CLDN14: variants seen among roughly 807,000 people sequenced by gnomAD.
The protein encoded by CLDN14 is claudin-14.
A neutral mutation model predicts 2.1 loss-of-function variants in CLDN14; 2 were observed. The ratio of observed to expected loss-of-function variants is 0.96; its 90% CI spans 0.39 to 3.01. The LOEUF (loss-of-function observed/expected upper bound fraction) is 3.01. Ranked by LOEUF, CLDN14 falls within the 30% of genes most tolerant of loss-of-function variation. The probability of loss-of-function intolerance (pLI) is 0.09; values close to 1 mark genes in which losing one functional copy is unlikely to be tolerated. For missense variants in CLDN14, 298 were observed against 328.0 expected, an observed-to-expected ratio of 0.91 and a Z score of 0.71; for synonymous variants, 136 against 154.4, an observed-to-expected ratio of 0.88 and a Z score of 0.88.
At chr21:36,502,719 C>T (rs527822708) in intron 2 of CLDN14, among the ~76,000 whole-genome samples, 1 of 152,248 alleles carries the variant, frequency 6.6e-6, no homozygotes, top group East Asian at 1.9e-4. Flanking sequence ...CAGTGTTATC[C>T]ACTAATGCTT....
At chr21:36,552,293 TG>T (rs1422008558) in intron 1 of CLDN14, among the ~76,000 whole-genome samples, 1 of 152,260 alleles carries the variant, frequency 6.6e-6, no homozygotes. Context: ...AGAATGGTTC[TG>T]GCAACTGCAA....
intron 1 of CLDN14, among the ~76,000 whole-genome samples, chr21:36,519,719 A>G (rs921597549): frequency 1.8e-4 from 13 of 73,564 alleles, no homozygotes; most frequent in African/African-American, 4.2e-4. Flanking sequence ...AAAAAACAAC[A>G]ACAACAACAA....
At chr21:36,519,243 A>G (rs1332413903) in intron 1 of CLDN14, among the ~76,000 whole-genome samples, 5 of 152,392 alleles carry the variant, frequency 3.3e-5, no homozygotes, top group Admixed American at 3.3e-4. Context: ...TATGAACCAT[A>G]TGGTAGTGCA....
At position 36,500,257 on chromosome 21, in the gene CLDN14, C is replaced by T. The variant is rs117268508; in HGVS notation, c.-82+10106G>A. 5.0e-3 allele frequency among the ~76,000 whole-genome samples: 765 copies of T among 152,162 alleles called. 1 individual carries two copies. Among genetic ancestry groups the T allele is most frequent in the Non-Finnish European group, 8.3e-3 (567 of 68,014 alleles). On this transcript the variant is annotated intron_variant, in intron 2 of 2. Transcript: ENST00000342108. ...GCTTCCCTGTACCCGCCCTCTCAGC[C>T]GGGAGCTCGCCTGAGGTCAGGCTGG...
intron 1 of CLDN14, among the ~76,000 whole-genome samples, chr21:36,462,181 A>C (rs2086586312): frequency 6.6e-6 from 1 of 152,314 alleles, no homozygotes; most frequent in South Asian, 2.1e-4. Flanking sequence ...GACTTAGAAT[A>C]TAGCCCTGGG....
intron 1 of CLDN14, among the ~76,000 whole-genome samples, chr21:36,519,667 G>A (rs6517358): frequency 0.031 from 4,715 of 152,124 alleles, 250 homozygotes; most frequent in African/African-American, 0.11. Flanking sequence ...CTGAGATCGC[G>A]CCACTGCACT....
chr21:36,555,058 G>A (rs1252601322), intron 1 of CLDN14, among the ~76,000 whole-genome samples: 1 of 152,248 alleles, frequency 6.6e-6, no homozygotes, highest in Non-Finnish European at 1.5e-5. Flanking sequence ...GGGCTAACCA[G>A]AGGCCTGGCA....
chr21:36,542,446 G>A (rs1351385177), intron 1 of CLDN14: 1 of 152,244 alleles, frequency 6.6e-6, no homozygotes, highest in Non-Finnish European at 1.5e-5. Flanking sequence ...CTGATCCCCT[G>A]TGACTGACGG....
intron 1 of CLDN14, chr21:36,542,916 C>G (rs952300967): frequency 2.0e-5 from 3 of 152,808 alleles, no homozygotes; most frequent in Non-Finnish European, 4.4e-5. Context: ...AGTACCAGCA[C>G]GTGCAAAATG....
In CLDN14 at chr21:36,461,225, C is replaced by T. The variant is rs146860442; in HGVS notation, c.471G>A (p.Lys157=). ...FYNPLLPSGM[K]FEIGQALYLG... is the part of the protein sequence containing the mutation. ...GGTACAGGGCCTGGCCAATCTCAAA[C>T]TTCATGCCGCTGGGCAGCAGCGGGT... The change falls in exon 2 of 2, where the codon AAG becomes AAA. Residue 157 remains lysine, a synonymous_variant. Coordinates refer to ENST00000399135, the MANE Select transcript of CLDN14 (RefSeq NM_001146079.2). 1.2e-4 allele frequency: 193 copies of T among 1,613,994 alleles called. 1 individual carries two copies. In the African/African-American group the frequency reaches 2.1e-3, roughly 18 times the overall value.
At chr21:36,479,347 T>C (rs1288810079) in intron 1 of CLDN14, 148 bp downstream of exon 1, 2 of 152,164 alleles carry the variant, frequency 1.3e-5, no homozygotes, top group African/African-American at 4.8e-5. Context: ...TCCTTTCCTG[T>C]AGGGGCCAGC....
At chr21:36,522,922 T>C (rs1410275522) in intron 1 of CLDN14, among the ~76,000 whole-genome samples, 1 of 152,180 alleles carries the variant, frequency 6.6e-6, no homozygotes, top group Non-Finnish European at 1.5e-5. Context: ...CATGGTCTTT[T>C]CTGGGAGCAG....
intron 2 of CLDN14, among the ~76,000 whole-genome samples, chr21:36,488,785 A>G (rs1354818546): frequency 3.3e-5 from 5 of 152,074 alleles, no homozygotes; most frequent in African/African-American, 7.2e-5. Flanking sequence ...ATGTACTTCA[A>G]ATGGCTGAAA....
chr21:36,471,454 G>T (rs977709906), intron 1 of CLDN14, among the ~76,000 whole-genome samples: 4 of 152,158 alleles, frequency 2.6e-5, no homozygotes, highest in African/African-American at 9.7e-5. Flanking sequence ...AGTTTGGGGG[G>T]GCTCATGTCT....
chr21:36,531,418 C>A (rs993730692), intron 1 of CLDN14, among the ~76,000 whole-genome samples: 1 of 151,842 alleles, frequency 6.6e-6, no homozygotes, highest in Non-Finnish European at 1.5e-5. Context: ...CAGGCACGCA[C>A]CACCACGCTC....
At chr21:36,494,312 A>G (rs1950363641) in intron 2 of CLDN14, among the ~76,000 whole-genome samples, 1 of 152,124 alleles carries the variant, frequency 6.6e-6, no homozygotes, top group African/African-American at 2.4e-5. Flanking sequence ...TCAATCAAAG[A>G]AGCTTGTTTC....
At chr21:36,474,630 C>G (rs987001308) in intron 1 of CLDN14, among the ~76,000 whole-genome samples, 1 of 152,110 alleles carries the variant, frequency 6.6e-6, no homozygotes, top group African/African-American at 2.4e-5. Context: ...AGAACAACAC[C>G]GATAACAAAA....
intron 1 of CLDN14, among the ~76,000 whole-genome samples, chr21:36,515,235 C>T (rs1182767780): frequency 6.6e-6 from 1 of 152,186 alleles, no homozygotes; most frequent in Non-Finnish European, 1.5e-5. Context: ...AACGCAGAGA[C>T]TCAAACAGTC....
At chr21:36,541,170 A>G (rs927257088) in intron 1 of CLDN14, among the ~76,000 whole-genome samples, 7 of 152,202 alleles carry the variant, frequency 4.6e-5, no homozygotes. Context: ...CATGGAAGTC[A>G]ACAGTAAGAG....
Sources: gnomAD v4.1 joint callset for allele counts (sites outside exome capture counted in the v4.1 genomes callset) on GRCh38, gnomAD v4.1.1 for gene constraint, MANE v1.5 for transcripts, NCBI Gene and HGNC (gene_info 2026-07-23, HGNC 2026-07-21) for gene names.